Variants in BSPRY observed in about 807,000 individuals in gnomAD.
The protein encoded by BSPRY is B-box and SPRY domain containing.
Under a neutral mutation model 38.0 loss-of-function variants are expected in BSPRY, and 33 were observed. The observed-to-expected ratio is 0.87, with a 90% CI of 0.66 to 1.16. BSPRY has a LOEUF of 1.16. BSPRY is among the 50% of genes most tolerant of loss of function. The probability of loss-of-function intolerance (pLI) is 0.00; values close to 1 mark genes in which losing one functional copy is unlikely to be tolerated. For missense variants in BSPRY, 523 were observed against 533.2 expected, an observed-to-expected ratio of 0.98 and a Z score of 0.19; for synonymous variants, 224 against 228.5, an observed-to-expected ratio of 0.98 and a Z score of 0.18.
rs566984068 is a variant in BSPRY, at chr9:113,354,865, T to A, written c.300+527T>A. ...GCATCCCACTGCTGATTCTTTTTTT[T>A]AATTTTTTTTCTTTTTGAGATGGGG... On this transcript the variant is annotated intron_variant, in intron 2 of 5. Coordinates refer to ENST00000374183, the MANE Select transcript of BSPRY (RefSeq NM_017688.3). Among the ~76,000 whole-genome samples the A allele has an allele frequency of 5.9e-5, 9 of 151,748 alleles. No individual in the cohort carries two copies. In the South Asian group the frequency reaches 1.5e-3, roughly 25 times the overall value.
rs769402253 is a variant in BSPRY at position 113,369,757 on chromosome 9, C to T, written c.824C>T (p.Ala275Val). Residue 275 changes from alanine (A) to valine (V), a missense_variant, in exon 6 of 6, where the codon GCC (alanine) becomes GTC (valine). Physicochemically the swap from Ala to Val is moderately conservative, Grantham distance 64. Transcript: ENST00000374183. ...GAGCGCTTCGACCACTGGCCCAATG[C>T]CCTGGCTGCCACCTCCTTCCAGAAT... ...GPERFDHWPNALAATSFQNGL... is the reference protein window; with the variant it reads ...GPERFDHWPNVLAATSFQNGL... 7 of 1,614,236 alleles carry T rather than the reference C, an allele frequency of 4.3e-6. No individual in the cohort carries two copies. The highest frequency in any genetic ancestry group is 1.3e-5 in the African/African-American group (1 of 75,072).
In BSPRY at chr9:113,362,398, A is replaced by G. The variant is rs373081101; in HGVS notation, c.557+4A>G. The G allele has an allele frequency of 1.9e-6, 3 of 1,613,888 alleles. No individual in the cohort carries two copies. In the African/African-American group the frequency reaches 4.0e-5, roughly 22 times the overall value. On this transcript the variant is annotated splice_donor_region_variant and intron_variant, in intron 4 of 5. Transcript: ENST00000374183. ...AGGAGCAAGAGATTTTCGAGAGGTG[A>G]GTATAGACCCCGTGATTTGACTGGG...
At chr9:113,364,852 C>G (rs945852507) in intron 4 of BSPRY, among the ~76,000 whole-genome samples, 4 of 151,996 alleles carry the variant, frequency 2.6e-5, no homozygotes, top group African/African-American at 7.3e-5. Flanking sequence ...CAGTCCATAT[C>G]CAACTGTTGC....
chr9:113,364,724 T>A (rs1247816438), intron 4 of BSPRY, among the ~76,000 whole-genome samples: 2 of 152,014 alleles, frequency 1.3e-5, no homozygotes, highest in Non-Finnish European at 2.9e-5. Context: ...CCAGAAAACA[T>A]GAATTTTTCT....
At chr9:113,352,741 CA>C (rs1005293306) in intron 1 of BSPRY, among the ~76,000 whole-genome samples, 1 of 152,098 alleles carries the variant, frequency 6.6e-6, no homozygotes, top group Non-Finnish European at 1.5e-5. Flanking sequence ...GATTTCCTTA[CA>C]AAAGGTGGCT....
chr9:113,362,079 T>C (rs1834162591), intron 3 of BSPRY, among the ~76,000 whole-genome samples: 1 of 151,996 alleles, frequency 6.6e-6, no homozygotes, highest in Admixed American at 6.6e-5. Flanking sequence ...GGAGATGCTG[T>C]TGGGTGAACA....
chr9:113,357,886 C>A (rs1219988664), intron 2 of BSPRY, among the ~76,000 whole-genome samples: 6 of 96,830 alleles, frequency 6.2e-5, no homozygotes, highest in Non-Finnish European at 9.8e-5. Flanking sequence ...CTGTAGAGTT[C>A]TATATATATA....
At chr9:113,357,770 G>A (rs1188475002) in intron 2 of BSPRY, among the ~76,000 whole-genome samples, 6 of 150,466 alleles carry the variant, frequency 4.0e-5, no homozygotes, top group African/African-American at 1.2e-4. Context: ...ATGCAGTGGC[G>A]CAATCATAGC....
At chr9:113,353,621 T>G (rs1834006348) in intron 1 of BSPRY, among the ~76,000 whole-genome samples, 2 of 152,086 alleles carry the variant, frequency 1.3e-5, no homozygotes, top group African/African-American at 4.8e-5. Flanking sequence ...GAGAATCGCT[T>G]GAACCTGGGA....
intron 4 of BSPRY, among the ~76,000 whole-genome samples, chr9:113,364,143 G>A (rs1452154761): frequency 2.0e-5 from 3 of 151,954 alleles, no homozygotes; most frequent in Non-Finnish European, 2.9e-5. Context: ...CTGAGAGCCT[G>A]CCACTGCACT....
At chr9:113,365,074 A>G (rs1215064201) in intron 4 of BSPRY, among the ~76,000 whole-genome samples, 1 of 152,008 alleles carries the variant, frequency 6.6e-6, no homozygotes, top group Non-Finnish European at 1.5e-5. Context: ...GGAATACTTC[A>G]TAAGTGATCT....
At chr9:113,360,465 C>T (rs1834131088) in intron 2 of BSPRY, 42 bp from the exon 3 acceptor site, 1 of 1,550,456 alleles carries the variant, frequency 6.4e-7, no homozygotes, top group Non-Finnish European at 8.7e-7. Context: ...CTGACCGGGG[C>T]TTTGCACAGA....
At chr9:113,357,558 G>T (rs1050007196) in intron 2 of BSPRY, among the ~76,000 whole-genome samples, 2 of 152,124 alleles carry the variant, frequency 1.3e-5, no homozygotes, top group East Asian at 3.9e-4. Flanking sequence ...CAATGGATTG[G>T]AAAACAGAAC....
chr9:113,361,664 G>A (rs1354443218), intron 3 of BSPRY, among the ~76,000 whole-genome samples: 1 of 152,162 alleles, frequency 6.6e-6, no homozygotes, highest in African/African-American at 2.4e-5. Context: ...GAAGTGAGGA[G>A]GTGGAAAGAG....
At chr9:113,366,684 C>T (rs1318203462) in intron 4 of BSPRY, among the ~76,000 whole-genome samples, 1 of 152,254 alleles carries the variant, frequency 6.6e-6, no homozygotes, top group Non-Finnish European at 1.5e-5. Flanking sequence ...ACATCAGCTC[C>T]TCTTTCTTCC....
At chr9:113,364,031 C>A (rs11793368) in intron 4 of BSPRY, among the ~76,000 whole-genome samples, 7,413 of 150,614 alleles carry the variant, frequency 0.049, 256 homozygotes, top group Non-Finnish European at 0.073. Context: ...ATTAAAAATA[C>A]AAAAATTAGC....
Position 113,370,216 on chromosome 9 carries a change from C to A in BSPRY, c.*74C>A, listed in dbSNP as rs1050454541. Reference sequence around the variant, plus strand: ...ATGTTTCTACTCAGTGTGCTTTTCCCAAATGATGTGTGTGGTGTTTCTAAG... The same window carrying A: ...ATGTTTCTACTCAGTGTGCTTTTCCAAAATGATGTGTGTGGTGTTTCTAAG... On this transcript the variant is annotated 3_prime_UTR_variant, in exon 6 of 6. Transcript: ENST00000374183. The surrounding 1 kb of genome is among the most constrained non-coding windows in gnomAD (Gnocchi z 4.8). 9.4e-5 allele frequency: 139 copies of A among 1,475,960 alleles called. No homozygotes were observed. The highest frequency in any genetic ancestry group is 1.2e-4 in the Non-Finnish European group (133 of 1,100,022). 91.4% of individuals were successfully genotyped at this position (1,475,960 alleles called of 1,614,324 possible).
chr9:113,356,181 T>C lies in BSPRY; in HGVS notation c.300+1843T>C, dbSNP rs560533109. Among the ~76,000 whole-genome samples the C allele has an allele frequency of 4.6e-5, 7 of 152,164 alleles. No individual in the cohort carries two copies. In the South Asian group the frequency reaches 1.5e-3, roughly 32 times the overall value. On this transcript the variant is annotated intron_variant, in intron 2 of 5. Transcript: ENST00000374183. ...AAAGGGGAATAGGACGGGTTGCAAT[T>C]ACATGTGCTGTGACCAGGAATGACT...
At position 113,360,540 on chromosome 9, in the gene BSPRY, C is replaced by A; in HGVS notation, c.334C>A (p.Gln112Lys). Residue 112 changes from glutamine (Q) to lysine (K), a missense_variant, in exon 3 of 6, where the codon CAG becomes AAG. Physicochemically the swap from Gln to Lys is moderately conservative, Grantham distance 53. Transcript: ENST00000374183. ...MASAARELVI[Q>K]RLSLVRSLCE... ...CAGTGCAGCGAGGGAACTGGTTATC[C>A]AGCGGTTGAGTCTGGTGAGGAGTCT... The A allele has an allele frequency of 6.2e-7, 1 of 1,604,956 alleles. No individual in the cohort carries two copies.
Sources: allele counts gnomAD v4.1 joint callset (sites outside exome capture counted in the v4.1 genomes callset), GRCh38; gene constraint gnomAD v4.1.1; non-coding constraint Gnocchi (gnomAD v3.1); transcripts MANE v1.5; gene names NCBI Gene and HGNC (gene_info 2026-07-23, HGNC 2026-07-21).